Variants in BCL2 observed in about 807,000 individuals in gnomAD.
BCL2 encodes the protein BCL2 apoptosis regulator.
In BCL2, 1 loss-of-function variant was observed where a neutral mutation model predicts 14.2. That is an observed-to-expected ratio of 0.07 (90% CI 0.02 to 0.33). The LOEUF (loss-of-function observed/expected upper bound fraction) is 0.33. Among genes scored for constraint, BCL2 ranks in the 10% least tolerant of loss-of-function variants. The pLI is 0.99. For missense variants in BCL2, 247 were observed against 305.9 expected, an observed-to-expected ratio of 0.81 and a Z score of 1.44; for synonymous variants, 151 against 137.2, an observed-to-expected ratio of 1.10 and a Z score of -0.70.
chr18:63,175,536 T>C (rs1050367488), intron 2 of BCL2, among the ~76,000 whole-genome samples: 4 of 152,200 alleles, frequency 2.6e-5, no homozygotes, highest in African/African-American at 9.7e-5. Flanking sequence ...AAGGTCCCCA[T>C]TGGTGCTAAA....
intron 2 of BCL2, among the ~76,000 whole-genome samples, chr18:63,200,150 C>T (rs1254920176): frequency 2.0e-5 from 3 of 152,156 alleles, no homozygotes; most frequent in Non-Finnish European, 4.4e-5. Context: ...CTGCACAAAC[C>T]TCGCCTCCCT....
At chr18:63,134,642 A>T (rs1309988725) in intron 2 of BCL2, among the ~76,000 whole-genome samples, 3 of 152,196 alleles carry the variant, frequency 2.0e-5, no homozygotes, top group Non-Finnish European at 4.4e-5. Flanking sequence ...GACGTTATAC[A>T]ATCGAAGGGA....
intron 2 of BCL2, among the ~76,000 whole-genome samples, chr18:63,264,246 A>AT (rs1353348174): frequency 2.6e-5 from 4 of 151,856 alleles, no homozygotes; most frequent in South Asian, 2.1e-4. Context: ...CCTCTAGTTT[A>AT]TTTTTTTCCT....
At chr18:63,192,903 C>A (rs902301564) in intron 2 of BCL2, among the ~76,000 whole-genome samples, 10 of 152,190 alleles carry the variant, frequency 6.6e-5, no homozygotes, top group African/African-American at 1.9e-4. Flanking sequence ...TTTTCAATAT[C>A]TTTGAAATTC....
intron 2 of BCL2, among the ~76,000 whole-genome samples, chr18:63,143,500 C>T (rs1373799551): frequency 3.9e-5 from 6 of 152,256 alleles, no homozygotes; most frequent in African/African-American, 1.4e-4. Context: ...AGTCGTGCCC[C>T]TGGGAGATCC....
At chr18:63,140,092 C>T (rs1877521931) in intron 2 of BCL2, among the ~76,000 whole-genome samples, 1 of 152,140 alleles carries the variant, frequency 6.6e-6, no homozygotes, top group South Asian at 2.1e-4. Context: ...CAAATCGAAA[C>T]CACAAGGAGA....
chr18:63,160,910 C>T (rs570120106), intron 2 of BCL2, among the ~76,000 whole-genome samples: 1 of 152,272 alleles, frequency 6.6e-6, no homozygotes, highest in South Asian at 2.1e-4. Context: ...GAGTGCCAGG[C>T]AGCTCTAGAC....
At chr18:63,193,511 C>T (rs1909344689) in intron 2 of BCL2, among the ~76,000 whole-genome samples, 1 of 151,836 alleles carries the variant, frequency 6.6e-6, no homozygotes, top group African/African-American at 2.4e-5. Context: ...GTTTATTTCA[C>T]TGAGCATGAT....
rs140093696 is a variant in BCL2 at position 63,128,463 on chromosome 18, T to TTG, written c.*160_*161dup. The TTG allele has an allele frequency of 2.9e-4, 142 of 496,138 alleles. No individual in the cohort carries two copies. Among genetic ancestry groups the TTG allele is most frequent in the African/African-American group, 1.7e-3 (87 of 51,716 alleles). 30.7% of individuals were successfully genotyped at this position (496,138 alleles called of 1,614,324 possible). On this transcript the variant is annotated 3_prime_UTR_variant, in exon 3 of 3. Transcript: ENST00000333681. ...CGTTTTGCCTGAAGACTGTTAATTG[T>TTG]TGTGTGTGTGTGTGTCTGTCTGTGT... is the stretch of plus-strand genomic sequence containing the variant.
chr18:63,132,847 A>T (rs1914105803), intron 2 of BCL2, among the ~76,000 whole-genome samples: 1 of 152,232 alleles, frequency 6.6e-6, no homozygotes, highest in Non-Finnish European at 1.5e-5. Context: ...AGCAACAAAG[A>T]GGGAAAAAGA....
chr18:63,177,409 C>A (rs531525502), intron 2 of BCL2, among the ~76,000 whole-genome samples: 2 of 152,288 alleles, frequency 1.3e-5, no homozygotes, highest in African/African-American at 4.8e-5. Context: ...AGAAACCAGG[C>A]CTGACCCAGG....
intron 2 of BCL2, among the ~76,000 whole-genome samples, chr18:63,142,831 C>T (rs558089118): frequency 1.3e-5 from 2 of 152,316 alleles, no homozygotes; most frequent in Non-Finnish European, 2.9e-5. Flanking sequence ...TAGTTCAGTT[C>T]ACCTGGAAAG....
chr18:63,306,488 T>G (rs1253366222), intron 2 of BCL2, among the ~76,000 whole-genome samples: 1 of 152,170 alleles, frequency 6.6e-6, no homozygotes, highest in Non-Finnish European at 1.5e-5. Context: ...CACTCTCCAC[T>G]CCAGCCAGGC....
rs774070039 is a variant in BCL2 at position 63,128,079 on chromosome 18, T to TCC, written c.*544_*545dup. On this transcript the variant is annotated 3_prime_UTR_variant, in exon 3 of 3. Coordinates refer to ENST00000333681, the MANE Select transcript of BCL2 (RefSeq NM_000633.3). The stretch of plus-strand genomic sequence containing the variant: ...TCTTCAGGCCAGGGAGGCATGGACT[T>TCC]CCCCCCACAGGAACCCTCCCTCTGT... 39 of 225,896 alleles carry TCC rather than the reference T, an allele frequency of 1.7e-4. No individual in the cohort carries two copies. Among genetic ancestry groups the TCC allele is most frequent in the Non-Finnish European group, 3.2e-4 (36 of 113,386 alleles). The allele number at this position is 225,896 out of a possible 1,614,324, so 14.0% of individuals were successfully genotyped here.
chr18:63,234,925 G>A (rs556371490), intron 2 of BCL2, among the ~76,000 whole-genome samples: 1 of 152,264 alleles, frequency 6.6e-6, no homozygotes, highest in Admixed American at 6.5e-5. Flanking sequence ...GATATTTGCT[G>A]TGCATATAAT....
chr18:63,241,394 T>G (rs1345239325), intron 2 of BCL2, among the ~76,000 whole-genome samples: 5 of 152,348 alleles, frequency 3.3e-5, no homozygotes, highest in Middle Eastern at 3.4e-3. Flanking sequence ...ACCTATTTTG[T>G]ATATTGTATT....
At position 63,123,937 on chromosome 18, in the gene BCL2, C is replaced by T; in HGVS notation, c.*4688G>A. On this transcript the variant is annotated 3_prime_UTR_variant, in exon 3 of 3. Transcript: ENST00000333681. ...CTCAGAATTTTCTTGATTGAGCGAGCCTTTCCATCCTCCACCAGTGTTCCC... is the reference window on the plus strand; with the variant it reads ...CTCAGAATTTTCTTGATTGAGCGAGTCTTTCCATCCTCCACCAGTGTTCCC... The T allele has an allele frequency of 4.5e-6, 1 of 220,362 alleles. No individual in the cohort carries two copies. Among genetic ancestry groups the T allele is most frequent in the East Asian group, 6.6e-5 (1 of 15,178 alleles). The allele number at this position is 220,362 out of a possible 1,614,324, so 13.7% of individuals were successfully genotyped here.
chr18:63,144,019 G>A (rs1914440887), intron 2 of BCL2, among the ~76,000 whole-genome samples: 1 of 152,186 alleles, frequency 6.6e-6, no homozygotes, highest in East Asian at 1.9e-4. Context: ...AAGGTCGTAG[G>A]AATAAGCTCA....
At chr18:63,270,005 C>T (rs57060534) in intron 2 of BCL2, among the ~76,000 whole-genome samples, 27,259 of 151,930 alleles carry the variant, frequency 0.18, 2,960 homozygotes, top group East Asian at 0.39. Context: ...AAAAATTTAT[C>T]TTTTTTCCTT....
Sources: allele counts gnomAD v4.1 joint callset (sites outside exome capture counted in the v4.1 genomes callset), GRCh38; gene constraint gnomAD v4.1.1; transcripts MANE v1.5; gene names NCBI Gene and HGNC (gene_info 2026-07-23, HGNC 2026-07-21).